FRYL: variants seen among roughly 807,000 people sequenced by gnomAD.
FRYL encodes protein furry homolog-like.
In FRYL, 150 loss-of-function variants were observed where a neutral mutation model predicts 351.2. That is an observed-to-expected ratio of 0.43 (90% CI 0.37 to 0.49). The LOEUF (loss-of-function observed/expected upper bound fraction) is 0.49. Among genes scored for constraint, FRYL ranks in the 20% least tolerant of loss-of-function variants. FRYL has a pLI of 0.00. For synonymous variants in FRYL, 1,153 were observed against 1,257.1 expected (o/e 0.92, Z 1.75); for missense variants, 3,036 against 3,619.3 (o/e 0.84, Z 4.13).
chr4:48,571,199 T>C (rs1337147343), intron 26 of FRYL, among the ~76,000 whole-genome samples: 1 of 152,204 alleles, frequency 6.6e-6, no homozygotes, highest in African/African-American at 2.4e-5. Flanking sequence ...ATCAGACAGT[T>C]TTGGAATTGA....
chr4:48,602,406 A>G (rs945069173), intron 12 of FRYL, among the ~76,000 whole-genome samples: 1 of 152,146 alleles, frequency 6.6e-6, no homozygotes, highest in Admixed American at 6.6e-5. Flanking sequence ...GGTTATGACT[A>G]GTCCCTGGGA....
Position 48,548,755 on chromosome 4 carries a change from A to G in FRYL, c.4823T>C (p.Ile1608Thr). The stretch of plus-strand genomic sequence containing the variant: ...CCATTCCACCTTCACACTATGATCA[A>G]TGATGAGATCAGTCAAAAGGATCAC... ...IAVILLTDLI[I>T]DHSVKVEWGS... The change falls in exon 40 of 64, where the codon ATT (isoleucine) becomes ACT (threonine). Residue 1608 changes from isoleucine (I) to threonine (T), a missense_variant. Physicochemically the swap from Ile to Thr is moderately conservative, Grantham distance 89. Around this residue, in one of 7 missense-constraint regions of FRYL, gnomAD observed 1,987 missense variants for 2,311.7 expected, o/e 0.86. Coordinates refer to ENST00000358350, the MANE Select transcript of FRYL (RefSeq NM_015030.2). 1 of 1,612,062 alleles carries G rather than the reference A, an allele frequency of 6.2e-7. No homozygotes were observed. Among genetic ancestry groups the G allele is most frequent in the Non-Finnish European group, 8.5e-7 (1 of 1,178,406 alleles).
intron 1 of FRYL, among the ~76,000 whole-genome samples, chr4:48,774,058 T>C (rs1033813839): frequency 5.3e-5 from 8 of 152,192 alleles, no homozygotes; most frequent in Admixed American, 5.2e-4. Flanking sequence ...TTTAATAAAA[T>C]GTTATTTTTT....
chr4:48,740,580 C>T (rs1771941696), intron 1 of FRYL, among the ~76,000 whole-genome samples: 1 of 152,094 alleles, frequency 6.6e-6, no homozygotes, highest in Admixed American at 6.6e-5. Flanking sequence ...GAGGGGTGAG[C>T]CACCATGCCC....
chr4:48,565,501 A>C (rs749002691), intron 29 of FRYL, 30 bp downstream of exon 29: 51 of 1,511,786 alleles, frequency 3.4e-5, no homozygotes, highest in Non-Finnish European at 3.8e-5. Flanking sequence ...TGCTCTTAAG[A>C]AAAAAGAAAT....
chr4:48,684,062 T>G (rs557840334), intron 3 of FRYL, among the ~76,000 whole-genome samples: 1 of 152,216 alleles, frequency 6.6e-6, no homozygotes, highest in South Asian at 2.1e-4. Context: ...CATTCTCAAC[T>G]GCACTTTCAA....
At chr4:48,669,877 G>A (rs868267729) in intron 3 of FRYL, among the ~76,000 whole-genome samples, 1 of 151,740 alleles carries the variant, frequency 6.6e-6, no homozygotes. Context: ...AACTTTGGGA[G>A]GCAGTCTAAA....
At chr4:48,717,266 G>A (rs1768965693) in intron 1 of FRYL, among the ~76,000 whole-genome samples, 1 of 150,790 alleles carries the variant, frequency 6.6e-6, no homozygotes, top group Admixed American at 6.7e-5. Flanking sequence ...AAAACTTAAA[G>A]TATAATAATA....
chr4:48,707,423 G>A (rs1262003245), intron 2 of FRYL, among the ~76,000 whole-genome samples: 1 of 152,126 alleles, frequency 6.6e-6, no homozygotes, highest in East Asian at 1.9e-4. Context: ...AATAACACAG[G>A]AGTGAGAGAA....
chr4:48,557,155 A>C (rs1159655606), intron 34 of FRYL, 37 bp from the exon 35 acceptor site: 3 of 1,551,040 alleles, frequency 1.9e-6, no homozygotes, highest in Non-Finnish European at 2.6e-6. Context: ...TTCAGTCATG[A>C]CTGCCTATTA....
At chr4:48,764,689 G>A (rs1203412339) in intron 1 of FRYL, among the ~76,000 whole-genome samples, 1 of 152,164 alleles carries the variant, frequency 6.6e-6, no homozygotes, top group African/African-American at 2.4e-5. Context: ...GTATGTGAAA[G>A]AAATTGAAGG....
chr4:48,610,579 T>C (rs776601), intron 7 of FRYL, among the ~76,000 whole-genome samples: 60,747 of 148,386 alleles, frequency 0.41, 13,682 homozygotes, highest in Admixed American at 0.55. Flanking sequence ...CAATTTGATA[T>C]GTATATATAA....
At chr4:48,712,400 C>A (rs1431010460) in intron 1 of FRYL, among the ~76,000 whole-genome samples, 3 of 152,072 alleles carry the variant, frequency 2.0e-5, no homozygotes, top group African/African-American at 7.3e-5. Context: ...AAAGCCAAGG[C>A]TCGAGAACTA....
intron 3 of FRYL, among the ~76,000 whole-genome samples, chr4:48,657,855 A>T (rs1759570834): frequency 6.6e-6 from 1 of 152,216 alleles, no homozygotes; most frequent in African/African-American, 2.4e-5. Context: ...TATACTAAAG[A>T]TTTGACACAA....
chr4:48,741,625 G>T (rs1387232468), intron 1 of FRYL, among the ~76,000 whole-genome samples: 1 of 152,090 alleles, frequency 6.6e-6, no homozygotes, highest in East Asian at 1.9e-4. Context: ...GAGCCTAGGA[G>T]GTGGAGGTTG....
At chr4:48,683,316 G>A (rs1003003266) in intron 3 of FRYL, among the ~76,000 whole-genome samples, 3 of 151,858 alleles carry the variant, frequency 2.0e-5, no homozygotes, top group African/African-American at 7.3e-5. Flanking sequence ...AACACCTAAT[G>A]TAGATGATGG....
At chr4:48,606,901 A>G (rs887800331) in intron 9 of FRYL, among the ~76,000 whole-genome samples, 2 of 152,212 alleles carry the variant, frequency 1.3e-5, no homozygotes, top group African/African-American at 4.8e-5. Context: ...ATAATAGAAT[A>G]ATATCAAATA....
intron 1 of FRYL, among the ~76,000 whole-genome samples, chr4:48,743,252 T>A (rs540900916): frequency 6.6e-6 from 1 of 152,248 alleles, no homozygotes; most frequent in East Asian, 1.9e-4. Flanking sequence ...CTTATCTAGG[T>A]GTTACTTTTC....
At chr4:48,638,071 G>C (rs1391415615) in intron 3 of FRYL, 1 of 151,700 alleles carries the variant, frequency 6.6e-6, no homozygotes, top group African/African-American at 2.4e-5. Context: ...AGGTAGATGT[G>C]GTCTAAAATA....
Sources: gnomAD v4.1 joint callset for allele counts (sites outside exome capture counted in the v4.1 genomes callset) on GRCh38, gnomAD v4.1.1 for gene constraint, gnomAD v4.1.1 regional missense constraint, MANE v1.5 for transcripts, NCBI Gene and HGNC (gene_info 2026-07-23, HGNC 2026-07-21) for gene names.